The following AGA variants were observed in gnomAD, a reference collection of about 807,000 sequenced individuals.
AGA encodes aspartylglucosaminidase, also known as N(4)-(beta-N-acetylglucosaminyl)-L-asparaginase.
In AGA, 31 loss-of-function variants were observed where a neutral mutation model predicts 40.1. The observed-to-expected ratio is 0.77, with a 90% CI of 0.58 to 1.04. AGA has a LOEUF of 1.04. AGA is among the 50% of genes least tolerant of loss of function. AGA has a pLI of 0.00. For missense variants in AGA, 445 were observed against 435.4 expected (o/e 1.02, Z -0.20); for synonymous variants, 148 against 144.0 (o/e 1.03, Z -0.20).
intron 1 of AGA, among the ~76,000 whole-genome samples, chr4:177,441,183 T>C (rs1196801141): frequency 6.8e-6 from 1 of 147,790 alleles, no homozygotes; most frequent in Non-Finnish European, 1.5e-5. Flanking sequence ...GGCTTGAAAG[T>C]GTATTTACGC....
In AGA at chr4:177,431,665, GTTTC is replaced by G. The variant is rs1420988245; in HGVS notation, c.*39_*42del. 1.3e-6 allele frequency: 2 copies of G among 1,521,770 alleles called. No individual in the cohort carries two copies. Among genetic ancestry groups the G allele is most frequent in the East Asian group, 2.3e-5 (1 of 44,306 alleles). The allele number at this position is 1,521,770 out of a possible 1,614,324, so 94.3% of individuals were successfully genotyped here. A position where few individuals can be genotyped will look rare whatever the true frequency, so the allele number is the denominator to read the frequency against. On this transcript the variant is annotated 3_prime_UTR_variant, in exon 9 of 9. Transcript: ENST00000264595. ...AGAGTGAGCAGCCTTTTCAGCCTTT[GTTTC>G]TTTCTTCTTTAAATACAGATGTTGA...
At chr4:177,434,296 C>T in intron 7 of AGA, 86 bp downstream of exon 7, 2 of 1,297,882 alleles carry the variant, frequency 1.5e-6, no homozygotes, top group Non-Finnish European at 2.2e-6. Context: ...AGCCACTGCA[C>T]CCAGCCTCAA....
At position 177,442,384 on chromosome 4, in the gene AGA, A is replaced by T. The variant is rs750045881; in HGVS notation, c.-9T>A. On this transcript the variant is annotated 5_prime_UTR_variant, in exon 1 of 9. Transcript: ENST00000264595. ...TTCGACTTCCGCGCCATCCCTGACC[A>T]CCGAAGAGACCAGCGCGAGAAAAGT... 6.8e-6 allele frequency: 11 copies of T among 1,613,740 alleles called. No homozygotes were observed. Among genetic ancestry groups the T allele is most frequent in the Admixed American group, 1.7e-5 (1 of 59,994 alleles).
At chr4:177,432,992 C>CA (rs1736677281) in intron 8 of AGA, among the ~76,000 whole-genome samples, 1 of 152,268 alleles carries the variant, frequency 6.6e-6, no homozygotes, top group African/African-American at 2.4e-5. Context: ...AACTACTAGT[C>CA]AGAGACTGGG....
intron 4 of AGA, among the ~76,000 whole-genome samples, 196 bp downstream of exon 4, chr4:177,438,549 T>C (rs1215341289): frequency 6.6e-6 from 1 of 152,172 alleles, no homozygotes; most frequent in Non-Finnish European, 1.5e-5. Context: ...TAGCTCTCCA[T>C]GCTGGATATG....
At chr4:177,437,051 A>G (rs889638982) in intron 5 of AGA, 10 of 303,574 alleles carry the variant, frequency 3.3e-5, no homozygotes, top group Non-Finnish European at 5.7e-5. Flanking sequence ...GTAGTCTGTT[A>G]TAACAGCGAA....
At chr4:177,440,104 G>A in intron 2 of AGA, 169 bp downstream of exon 2, 3 of 759,966 alleles carry the variant, frequency 3.9e-6, no homozygotes, top group Non-Finnish European at 2.2e-6. Context: ...CTATTACTCT[G>A]ATTTTTTTTT....
At chr4:177,435,076 ATT>A (rs34097231) in intron 6 of AGA, among the ~76,000 whole-genome samples, 61,709 of 145,952 alleles carry the variant, frequency 0.42, 12,976 homozygotes, top group Non-Finnish European at 0.46. Flanking sequence ...AATTTTTTGT[ATT>A]TTTTTTTTTT....
rs1286795293 is a variant in AGA at position 177,430,905 on chromosome 4, G to A, written c.*803C>T. ...ATACAGAGAGTTAATCAGAAGTTAG[G>A]GAAACAAACCAAGCTAAACAACCCA... On this transcript the variant is annotated 3_prime_UTR_variant, in exon 9 of 9. Coordinates refer to ENST00000264595, the MANE Select transcript of AGA (RefSeq NM_000027.4). The A allele has an allele frequency of 2.2e-6, 1 of 454,002 alleles. No individual in the cohort carries two copies. Among genetic ancestry groups the A allele is most frequent in the Non-Finnish European group, 4.4e-6 (1 of 226,782 alleles). The allele number at this position is 454,002 out of a possible 1,614,324, so 28.1% of individuals were successfully genotyped here.
At chr4:177,436,825 C>A (rs1448261611) in intron 5 of AGA, among the ~76,000 whole-genome samples, 2 of 152,176 alleles carry the variant, frequency 1.3e-5, no homozygotes, top group Non-Finnish European at 2.9e-5. Flanking sequence ...ACAGGTGGGG[C>A]CTTTAAGAGG....
At position 177,442,243 on chromosome 4, in the gene AGA, C is replaced by T; in HGVS notation, c.127+6G>A. 2 of 1,613,696 alleles carry T rather than the reference C, an allele frequency of 1.2e-6. No homozygotes were observed. The highest frequency in any genetic ancestry group is 1.7e-6 in the Non-Finnish European group (2 of 1,179,842). On this transcript the variant is annotated splice_donor_region_variant and intron_variant, in intron 1 of 8. Transcript: ENST00000264595. ...GCAGCCGCCCGCCCAGGCCGCCAAC[C>T]CGCACCTGCTTCGGTTGCATTCTTA...
intron 1 of AGA, among the ~76,000 whole-genome samples, chr4:177,440,654 T>G (rs547808937): frequency 2.4e-4 from 36 of 151,652 alleles, no homozygotes; most frequent in Admixed American, 1.6e-3. Flanking sequence ...GCTGAAGGTT[T>G]TTTTTTTTTT....
chr4:177,441,537 C>G (rs1371113017), intron 1 of AGA, among the ~76,000 whole-genome samples: 4 of 152,106 alleles, frequency 2.6e-5, no homozygotes, highest in Non-Finnish European at 5.9e-5. Flanking sequence ...ATTCTGGACA[C>G]GAGGGCAGTT....
chr4:177,439,058 C>T (rs1736910068), intron 3 of AGA, among the ~76,000 whole-genome samples: 1 of 152,080 alleles, frequency 6.6e-6, no homozygotes, highest in African/African-American at 2.4e-5. Context: ...AAAACAGATC[C>T]ACTTAAAACC....
chr4:177,435,590 T>C (rs10027395), intron 6 of AGA, among the ~76,000 whole-genome samples: 1 of 152,134 alleles, frequency 6.6e-6, no homozygotes, highest in Admixed American at 6.5e-5. Context: ...TGCTTTTCTA[T>C]TTCAAAATTA....
intron 6 of AGA, 43 bp from the exon 7 acceptor site, chr4:177,434,532 A>C: frequency 6.7e-7 from 1 of 1,491,466 alleles, no homozygotes; most frequent in East Asian, 2.3e-5. Flanking sequence ...AATCGAGTGT[A>C]AAACACATTA....
In AGA at chr4:177,436,306, G is replaced by C; in HGVS notation, c.668C>G (p.Ser223Cys). The C allele has an allele frequency of 1.2e-6, 2 of 1,613,278 alleles. No individual in the cohort carries two copies. The highest frequency in any genetic ancestry group is 1.7e-6 in the Non-Finnish European group (2 of 1,179,606). ...HKTGHIAAGT[S>C]TNGIKFKIHG... ...TATTTTGAATTTTATACCATTTGTA[G>C]ATGTACCAGCAGCAATATGTCCTGT... Residue 223 changes from serine (S) to cysteine (C), a missense_variant, in exon 6 of 9, where the codon TCT becomes TGT. Coordinates refer to ENST00000264595, the MANE Select transcript of AGA (RefSeq NM_000027.4).
At chr4:177,436,152 C>G (rs561604250) in intron 6 of AGA, 124 bp downstream of exon 6, 420 of 810,236 alleles carry the variant, frequency 5.2e-4, no homozygotes, top group Non-Finnish European at 6.9e-5. Flanking sequence ...ACTGCATTTT[C>G]TTTCACACTC....
intron 4 of AGA, 133 bp downstream of exon 4, chr4:177,438,612 T>C: frequency 1.4e-6 from 1 of 709,336 alleles, no homozygotes; most frequent in Non-Finnish European, 2.6e-6. Flanking sequence ...GAGAGTCAAC[T>C]AAAACCACTA....
Sources: allele counts gnomAD v4.1 joint callset (sites outside exome capture counted in the v4.1 genomes callset), GRCh38; gene constraint gnomAD v4.1.1; transcripts MANE v1.5; gene names NCBI Gene and HGNC (gene_info 2026-07-23, HGNC 2026-07-21).